Variants in NXN observed in about 807,000 individuals in gnomAD.
NXN encodes nucleoredoxin 1.
In NXN, 16 loss-of-function variants were observed where a neutral mutation model predicts 48.6. That is an observed-to-expected ratio of 0.33 (90% CI 0.22 to 0.50). NXN has a LOEUF of 0.50. Ranked by LOEUF, NXN falls within the 20% of genes least tolerant of loss-of-function variation. The pLI is 0.98. For missense variants in NXN, 492 were observed against 605.5 expected (o/e 0.81, Z 1.97); for synonymous variants, 281 against 269.6 (o/e 1.04, Z -0.41).
intron 1 of NXN, among the ~76,000 whole-genome samples, chr17:879,058 G>A (rs950890722): frequency 2.0e-5 from 3 of 151,838 alleles, no homozygotes; most frequent in Non-Finnish European, 4.4e-5. Flanking sequence ...CCAGCTACTC[G>A]GGAGGCTGAG....
rs545443988 is a variant in NXN at position 814,746 on chromosome 17, C to A, written c.820+4693G>T. On this transcript the variant is annotated intron_variant, in intron 5 of 7. Transcript: ENST00000336868. ...CACGCACTCAATACATCAAATCCGG[C>A]CGGGCGCAGTGGCTCACGCCTGTAA... 5.9e-5 allele frequency among the ~76,000 whole-genome samples: 9 copies of A among 152,292 alleles called. No homozygotes were observed. The South Asian group carries it at 1.9e-3, about 32-fold the overall frequency.
At chr17:976,169 TG>T (rs1380270861) in intron 1 of NXN, among the ~76,000 whole-genome samples, 4 of 148,264 alleles carry the variant, frequency 2.7e-5, no homozygotes, top group South Asian at 4.2e-4. Context: ...GTATAAAGAA[TG>T]TTTTTTTACA....
At chr17:879,576 C>T (rs576706063) in intron 1 of NXN, among the ~76,000 whole-genome samples, 9 of 152,106 alleles carry the variant, frequency 5.9e-5, no homozygotes, top group South Asian at 2.1e-4. Context: ...CATGAGCCAC[C>T]GCGCCCGGCC....
intron 1 of NXN, among the ~76,000 whole-genome samples, chr17:858,635 G>A (rs1166705603): frequency 6.6e-6 from 1 of 151,968 alleles, no homozygotes; most frequent in Non-Finnish European, 1.5e-5. Context: ...GGCTGAGACA[G>A]CAGCCTGTGT....
At chr17:945,572 C>T (rs922764584) in intron 1 of NXN, among the ~76,000 whole-genome samples, 11 of 147,600 alleles carry the variant, frequency 7.5e-5, no homozygotes, top group Admixed American at 1.4e-4. Flanking sequence ...CAGAGCTTGC[C>T]GTGAGCCGAG....
intron 1 of NXN, among the ~76,000 whole-genome samples, chr17:841,758 A>C (rs567319819): frequency 6.6e-6 from 1 of 151,742 alleles, no homozygotes; most frequent in South Asian, 2.1e-4. Flanking sequence ...GTCCACTTCC[A>C]GCAGTGGCTC....
chr17:877,972 A>G (rs796149119), intron 1 of NXN: 19 of 152,346 alleles, frequency 1.2e-4, no homozygotes, highest in African/African-American at 4.6e-4. Context: ...CTGTGGGCTA[A>G]CAGACAGGGC....
intron 1 of NXN, among the ~76,000 whole-genome samples, chr17:963,018 C>G (rs913138631): frequency 2.0e-5 from 3 of 149,614 alleles, no homozygotes; most frequent in Non-Finnish European, 4.4e-5. Flanking sequence ...GGATTCTGTT[C>G]CTTGTCTCTA....
chr17:841,738 G>C (rs1194630224), intron 1 of NXN, among the ~76,000 whole-genome samples: 1 of 150,914 alleles, frequency 6.6e-6, no homozygotes, highest in East Asian at 1.9e-4. Context: ...GAAAGGGAGA[G>C]CCCAGGAGTG....
At position 812,949 on chromosome 17, in the gene NXN, AGT is replaced by A. The variant is rs1269397670; in HGVS notation, c.820+6488_820+6489del. Among the ~76,000 whole-genome samples the A allele has an allele frequency of 2.5e-4, 36 of 144,328 alleles. 1 individual carries two copies. In the South Asian group the frequency reaches 3.3e-3, roughly 13 times the overall value. 94.7% of individuals were successfully genotyped at this position (144,328 alleles called of 152,430 possible). A position where few individuals can be genotyped will look rare whatever the true frequency, so the allele number is the denominator to read the frequency against. The stretch of plus-strand genomic sequence containing the variant: ...GCGTGTGTGAGTGTGCATATGTGTG[AGT>A]GTAGGTGTGCATGTTTGTAGGTGTG... On this transcript the variant is annotated intron_variant, in intron 5 of 7. Transcript: ENST00000336868.
chr17:930,962 G>A (rs192878035), intron 1 of NXN, among the ~76,000 whole-genome samples: 1 of 151,998 alleles, frequency 6.6e-6, no homozygotes, highest in Admixed American at 6.6e-5. Context: ...GTAGAGATGG[G>A]GTTTCACCAT....
chr17:937,445 C>T (rs1489981180), intron 1 of NXN, among the ~76,000 whole-genome samples: 2 of 152,052 alleles, frequency 1.3e-5, no homozygotes, highest in African/African-American at 2.4e-5. Flanking sequence ...TGCGGTGATC[C>T]GTACACAGTG....
At chr17:910,865 G>A (rs1413346456) in intron 1 of NXN, 1 of 152,176 alleles carries the variant, frequency 6.6e-6, no homozygotes, top group Non-Finnish European at 1.5e-5. Context: ...TTCTCACACA[G>A]GGATGTAACA....
At chr17:848,048 G>T (rs1275544968) in intron 1 of NXN, among the ~76,000 whole-genome samples, 2 of 152,034 alleles carry the variant, frequency 1.3e-5, no homozygotes, top group East Asian at 1.9e-4. Context: ...GAAACACTAC[G>T]AATTAAGCAG....
At chr17:881,817 A>G (rs1048541125) in intron 1 of NXN, among the ~76,000 whole-genome samples, 1 of 152,242 alleles carries the variant, frequency 6.6e-6, no homozygotes, top group Non-Finnish European at 1.5e-5. Flanking sequence ...AAACAAGGAT[A>G]AACCTCACAA....
At chr17:906,710 GCA>G (rs1180849840) in intron 1 of NXN, among the ~76,000 whole-genome samples, 1 of 151,326 alleles carries the variant, frequency 6.6e-6, no homozygotes, top group Non-Finnish European at 1.5e-5. Flanking sequence ...GGGACTACAG[GCA>G]CCCACCACCA....
chr17:859,519 T>TAA (rs755554587), intron 1 of NXN, among the ~76,000 whole-genome samples: 14 of 152,158 alleles, frequency 9.2e-5, no homozygotes, highest in Non-Finnish European at 2.1e-4. Context: ...GCAACCCTTA[T>TAA]GCAGGAGGGA....
chr17:939,207 C>T (rs1045327641), intron 1 of NXN, among the ~76,000 whole-genome samples: 2 of 152,136 alleles, frequency 1.3e-5, no homozygotes, highest in Non-Finnish European at 2.9e-5. Context: ...AAGTTTATAA[C>T]AGCGCTGGTT....
chr17:808,865 C>T (rs58426661), intron 5 of NXN, among the ~76,000 whole-genome samples: 8,248 of 151,650 alleles, frequency 0.054, 718 homozygotes, highest in African/African-American at 0.19. Flanking sequence ...TTAGTAGAGA[C>T]GGGGTTTCAC....
Sources: gnomAD v4.1 joint callset for allele counts (sites outside exome capture counted in the v4.1 genomes callset) on GRCh38, gnomAD v4.1.1 for gene constraint, MANE v1.5 for transcripts, NCBI Gene and HGNC (gene_info 2026-07-23, HGNC 2026-07-21) for gene names.